Variants in CHD4 observed in about 807,000 individuals in gnomAD.
CHD4 encodes ATP-dependent chromatin remodeler CHD4.
A neutral mutation model predicts 235.5 loss-of-function variants in CHD4; 35 were observed. The ratio of observed to expected loss-of-function variants is 0.15; its 90% CI spans 0.11 to 0.20. The LOEUF (loss-of-function observed/expected upper bound fraction) is 0.20. Among genes scored for constraint, CHD4 ranks in the 10% least tolerant of loss-of-function variants. The pLI, the probability that CHD4 is intolerant of heterozygous loss-of-function variation, is 1.00. For synonymous variants in CHD4, 900 were observed against 850.2 expected (o/e 1.06, Z -1.02); for missense variants, 1,329 against 2,432.3 (o/e 0.55, Z 9.54).
rs200530735 is a variant in CHD4, at chr12:6,581,170, T to C, written c.4783A>G (p.Thr1595Ala). ...TCTGAGGCAGGGGCAGGGGCCTGTGTACACTTCAAAGGAAAAAAAAACAAA... is the reference window on the plus strand; with the variant it reads ...TCTGAGGCAGGGGCAGGGGCCTGTGCACACTTCAAAGGAAAAAAAAACAAA... ...STAPETAIEC[T>A]QAPAPASEDE... is the part of the protein sequence containing the mutation. The change falls in exon 33 of 40, where the codon ACA becomes GCA. Residue 1595 changes from threonine to alanine, a missense_variant. Thr to Ala is a moderately conservative substitution (Grantham distance 58, BLOSUM62 0). Around this residue, in one of 26 missense-constraint regions of CHD4, gnomAD observed 219 missense variants for 219.3 expected, o/e 1.00. Coordinates refer to ENST00000544040, the MANE Select transcript of CHD4 (RefSeq NM_001273.5). 6.2e-7 allele frequency: 1 copy of C among 1,613,280 alleles called. No individual in the cohort carries two copies. Among genetic ancestry groups the C allele is most frequent in the South Asian group, 1.1e-5 (1 of 91,000 alleles).
chr12:6,602,271 G>T, intron 3 of CHD4, 96 bp from the exon 4 acceptor site: 1 of 1,593,338 alleles, frequency 6.3e-7, no homozygotes, highest in East Asian at 2.2e-5. Flanking sequence ...CCAGAACATG[G>T]CCCACCACTT....
rs150806437 is a variant in CHD4 at position 6,587,516 on chromosome 12, G to A, written c.3747C>T (p.Tyr1249=). Residue 1249 remains tyrosine, a synonymous_variant, in exon 25 of 40, where the codon TAC becomes TAT. Coordinates refer to ENST00000544040, the MANE Select transcript of CHD4 (RefSeq NM_001273.5). ...KEGEDSSVIH[Y]DDKAIERLLD... ...GCAGCCGTTCAATGGCCTTATCATCGTAGTGGATAACACTGCTATCTTCTC... is the reference window on the plus strand; with the variant it reads ...GCAGCCGTTCAATGGCCTTATCATCATAGTGGATAACACTGCTATCTTCTC... 1.3e-4 allele frequency: 202 copies of A among 1,613,980 alleles called. No individual in the cohort carries two copies. Among genetic ancestry groups the A allele is most frequent in the East Asian group, 3.3e-4 (15 of 44,894 alleles).
intron 13 of CHD4, 147 bp from the exon 14 acceptor site, chr12:6,595,577 C>G: frequency 3.2e-6 from 2 of 620,336 alleles, no homozygotes; most frequent in Non-Finnish European, 5.6e-6. Flanking sequence ...CACCTGAGGT[C>G]AGGAGATCGA....
Position 6,602,478 on chromosome 12 carries a change from T to C in CHD4, c.120A>G (p.Glu40=), listed in dbSNP as rs772248307. The C allele has an allele frequency of 5.6e-6, 9 of 1,612,454 alleles. No individual in the cohort carries two copies. Among genetic ancestry groups the C allele is most frequent in the Non-Finnish European group, 6.8e-6 (8 of 1,179,698 alleles). The change falls in exon 3 of 40, where the codon GAA becomes GAG. Residue 40 remains glutamate, a synonymous_variant. Transcript: ENST00000544040. ...PPHPENEEDP[E]EDLSETETPK... ...GAGTCTCTGTTTCTGACAAATCCTC[T>C]TCTGGGTCCTCTTCATTTTCTACAT...
At chr12:6,570,809 G>C in intron 39 of CHD4, 60 bp downstream of exon 39, 1 of 1,612,142 alleles carries the variant, frequency 6.2e-7, no homozygotes, top group Admixed American at 1.7e-5. Flanking sequence ...ATACAGCAAA[G>C]TTACAAGCTC....
intron 2 of CHD4, 74 bp downstream of exon 2, chr12:6,606,200 G>C (rs1054964813): frequency 1.1e-5 from 11 of 1,008,576 alleles, no homozygotes; most frequent in Admixed American, 2.2e-5. Context: ...ACACAGCCCT[G>C]CCTCACCAGA....
rs958749886 is a variant in CHD4 at position 6,598,444 on chromosome 12, A to C, written c.1483-19T>G. The C allele has an allele frequency of 5.1e-6, 8 of 1,561,902 alleles. No homozygotes were observed. The highest frequency in any genetic ancestry group is 7.0e-6 in the Non-Finnish European group (8 of 1,148,312). On this transcript the variant is annotated intron_variant, in intron 10 of 39. Coordinates refer to ENST00000544040, the MANE Select transcript of CHD4 (RefSeq NM_001273.5). Reference sequence around the variant, plus strand: ...CTGGACACTGAGAGAAAAAGAGACAACTTAATCTCAAATCATAACCATGGG... The same window carrying C: ...CTGGACACTGAGAGAAAAAGAGACACCTTAATCTCAAATCATAACCATGGG...
chr12:6,602,605 C>G, intron 2 of CHD4, 108 bp from the exon 3 acceptor site: 1 of 1,385,950 alleles, frequency 7.2e-7, no homozygotes, highest in Non-Finnish European at 9.9e-7. Flanking sequence ...GTCCCAGATT[C>G]CTCTGAAGAG....
At chr12:6,600,843 T>C in intron 7 of CHD4, 83 bp downstream of exon 7, 2 of 1,520,070 alleles carry the variant, frequency 1.3e-6, no homozygotes, top group South Asian at 2.7e-5. Context: ...ACGTGCCTAC[T>C]ATGAAGGACA....
chr12:6,577,417 C>CA (rs60910415), intron 37 of CHD4, among the ~76,000 whole-genome samples: 5,768 of 86,870 alleles, frequency 0.066, 345 homozygotes, highest in East Asian at 0.34. Flanking sequence ...GATTCTGCCT[C>CA]AAAAAAAAAA....
chr12:6,591,122 CA>C (rs35011913), intron 22 of CHD4: 3,943 of 25,492 alleles, frequency 0.15, 112 homozygotes, highest in East Asian at 0.28. Flanking sequence ...GACTCCATCT[CA>C]AAAAAAAAAA....
At chr12:6,606,610 C>T (rs1440700269) in intron 1 of CHD4, 159 bp from the exon 2 acceptor site, 2 of 397,426 alleles carry the variant, frequency 5.0e-6, no homozygotes, top group South Asian at 5.6e-5. Flanking sequence ...GGGGGCAGCC[C>T]GGAAGCCGGC....
At chr12:6,573,526 G>A (rs1948015334) in intron 37 of CHD4, 2 of 275,286 alleles carry the variant, frequency 7.3e-6, no homozygotes, top group African/African-American at 4.4e-5. Context: ...ACTCAATTTA[G>A]AAAATAGAAT....
intron 7 of CHD4, 97 bp from the exon 8 acceptor site, chr12:6,600,766 C>G (rs527340518): frequency 1.3e-6 from 2 of 1,540,510 alleles, no homozygotes; most frequent in Non-Finnish European, 1.8e-6. Flanking sequence ...ACACCAGAAT[C>G]CCAGCAAGCA....
intron 11 of CHD4, 49 bp downstream of exon 11, chr12:6,598,167 TTGTCAC>T: frequency 6.2e-7 from 1 of 1,610,842 alleles, no homozygotes; most frequent in South Asian, 1.1e-5. Flanking sequence ...CAAGGCTCTT[TTGTCAC>T]TATCCTCTTC....
At chr12:6,575,468 A>AGG (rs1948054763) in intron 37 of CHD4, among the ~76,000 whole-genome samples, 1 of 150,310 alleles carries the variant, frequency 6.7e-6, no homozygotes, top group African/African-American at 2.5e-5. Context: ...AAAAAAAAAA[A>AGG]GGGTTTTATT....
At chr12:6,572,852 G>A (rs1429789094) in intron 38 of CHD4, 13 of 400,632 alleles carry the variant, frequency 3.2e-5, no homozygotes, top group African/African-American at 1.3e-4. Context: ...GAGCCACCGC[G>A]CCCGGCCAGG....
rs1362642747 is a variant in CHD4 at position 6,583,129 on chromosome 12, G to T, written c.4061-16C>A. On this transcript the variant is annotated splice_polypyrimidine_tract_variant and intron_variant, in intron 26 of 39. Coordinates refer to ENST00000544040, the MANE Select transcript of CHD4 (RefSeq NM_001273.5). ...TCCTGCCAATCTGGAGGGAGAGAGG[G>T]CAGATGAGCGGGGCCCACTGCTCTA... 2 of 1,532,342 alleles carry T rather than the reference G, an allele frequency of 1.3e-6. No individual in the cohort carries two copies. Among genetic ancestry groups the T allele is most frequent in the Non-Finnish European group, 1.8e-6 (2 of 1,131,410 alleles). The allele number at this position is 1,532,342 out of a possible 1,614,324, so 94.9% of individuals were successfully genotyped here. A position where few individuals can be genotyped will look rare whatever the true frequency, so the allele number is the denominator to read the frequency against.
intron 17 of CHD4, 45 bp from the exon 18 acceptor site, chr12:6,592,862 C>A: frequency 6.3e-7 from 1 of 1,589,184 alleles, no homozygotes; most frequent in Non-Finnish European, 8.5e-7. Flanking sequence ...GAAAACAGAG[C>A]TCTAGCAAAT....
Sources: allele counts gnomAD v4.1 joint callset (sites outside exome capture counted in the v4.1 genomes callset), GRCh38; gene constraint gnomAD v4.1.1; regional missense constraint gnomAD v4.1.1; transcripts MANE v1.5; gene names NCBI Gene and HGNC (gene_info 2026-07-23, HGNC 2026-07-21).